The following ZNF385D variants were observed in gnomAD, a reference collection of about 807,000 sequenced individuals.
ZNF385D encodes zinc finger protein 385D, also known as zinc finger protein 659.
Under a neutral mutation model 35.8 loss-of-function variants are expected in ZNF385D, and 15 were observed. The observed-to-expected ratio is 0.42, with a 90% CI of 0.28 to 0.64. ZNF385D has a LOEUF of 0.64. Among genes scored for constraint, ZNF385D ranks in the 30% least tolerant of loss-of-function variants. The pLI, the probability that ZNF385D is intolerant of heterozygous loss-of-function variation, is 0.23. For missense variants in ZNF385D, 474 were observed against 494.6 expected (o/e 0.96, Z 0.39); for synonymous variants, 212 against 186.8 (o/e 1.13, Z -1.10).
intron 2 of ZNF385D, among the ~76,000 whole-genome samples, chr3:21,616,944 T>C (rs1260451894): frequency 6.6e-6 from 1 of 152,210 alleles, no homozygotes; most frequent in East Asian, 1.9e-4. Context: ...TCCTTTTCCC[T>C]GATTATTTTT....
At position 22,265,839 on chromosome 3, in the gene ZNF385D, G is replaced by A. The variant is rs182656221; in HGVS notation, c.107-96804C>T. Among the ~76,000 whole-genome samples the A allele has an allele frequency of 2.9e-3, 436 of 151,982 alleles. 11 individuals are homozygous for A. The highest frequency in any genetic ancestry group is 7.8e-4 in the East Asian group (4 of 5,132). ...GCCTGGTGTGGTAGGTACCATTTTT[G>A]CACGTGGGAAAATAAGGTCACATAG... On this transcript the variant is annotated intron_variant, in intron 2 of 5. Coordinates refer to the ZNF385D transcript ENST00000494108.
At chr3:21,817,765 G>C (rs1290252024) in intron 3 of ZNF385D, among the ~76,000 whole-genome samples, 1 of 152,200 alleles carries the variant, frequency 6.6e-6, no homozygotes, top group African/African-American at 2.4e-5. Context: ...AGGCAGTGTG[G>C]TGATTCCTCT....
intron 3 of ZNF385D, among the ~76,000 whole-genome samples, chr3:21,841,010 C>T (rs1317134251): frequency 2.0e-5 from 3 of 151,978 alleles, no homozygotes; most frequent in Non-Finnish European, 2.9e-5. Context: ...AACTGAGGCT[C>T]CTGGTGAATA....
intron 2 of ZNF385D, among the ~76,000 whole-genome samples, chr3:22,352,472 A>T (rs1482895267): frequency 6.6e-6 from 1 of 152,222 alleles, no homozygotes. Context: ...AATGTGATTC[A>T]CAGCCCAGAT....
chr3:22,074,738 C>T (rs939645034), intron 3 of ZNF385D, among the ~76,000 whole-genome samples: 1 of 151,896 alleles, frequency 6.6e-6, no homozygotes, highest in African/African-American at 2.4e-5. Flanking sequence ...CCCTGGTCTT[C>T]CCGACACTGT....
chr3:22,211,921 C>A (rs1312219140), intron 2 of ZNF385D, among the ~76,000 whole-genome samples: 6 of 151,966 alleles, frequency 3.9e-5, no homozygotes, highest in Admixed American at 3.9e-4. Context: ...CTGGCTTTGA[C>A]AGAAGATGCC....
At chr3:21,653,131 A>G (rs778364793) in intron 2 of ZNF385D, among the ~76,000 whole-genome samples, 1 of 152,140 alleles carries the variant, frequency 6.6e-6, no homozygotes, top group Non-Finnish European at 1.5e-5. Context: ...ATACACACAC[A>G]TACACATATA....
At chr3:21,816,749 G>T (rs2073164908) in intron 3 of ZNF385D, among the ~76,000 whole-genome samples, 1 of 152,124 alleles carries the variant, frequency 6.6e-6, no homozygotes, top group Non-Finnish European at 1.5e-5. Context: ...CATGAAAATG[G>T]CCATACTGCC....
rs534758946 is a variant in ZNF385D at position 22,185,104 on chromosome 3, C to A, written c.107-16069G>T. 5.3e-5 allele frequency among the ~76,000 whole-genome samples: 8 copies of A among 152,246 alleles called. No homozygotes were observed. The South Asian group carries it at 1.7e-3, about 32-fold the overall frequency. ...AACTTCAGTTCACTGTATCTATAAT[C>A]TACCAATGAGAGAGCAATCTACTTT... On this transcript the variant is annotated intron_variant, in intron 2 of 5. Transcript: ENST00000494108.
rs114214768 is a variant in ZNF385D at position 21,706,918 on chromosome 3, T to C, written c.23-41890A>G. On this transcript the variant is annotated intron_variant, in intron 1 of 7. Transcript: ENST00000281523. The stretch of plus-strand genomic sequence containing the variant: ...TCAGGTTTAGGAAAAGGACAGATTA[T>C]TTTCTTCCTCCTTCTTCAAGTAGCT... Among the ~76,000 whole-genome samples the C allele has an allele frequency of 3.4e-3, 522 of 152,284 alleles. 4 individuals are homozygous for C. Among genetic ancestry groups the C allele is most frequent in the African/African-American group, 0.012 (490 of 41,560 alleles).
At chr3:22,342,820 G>T (rs762307527) in intron 2 of ZNF385D, among the ~76,000 whole-genome samples, 8 of 152,160 alleles carry the variant, frequency 5.3e-5, no homozygotes, top group Non-Finnish European at 8.8e-5. Flanking sequence ...AGTCGTTTTG[G>T]AAAGAACTTC....
At chr3:22,234,890 G>A (rs1209562423) in intron 2 of ZNF385D, among the ~76,000 whole-genome samples, 1 of 152,052 alleles carries the variant, frequency 6.6e-6, no homozygotes, top group South Asian at 2.1e-4. Context: ...AATTCTATAA[G>A]TTCTTAAATA....
chr3:21,806,219 T>C (rs530097839), intron 3 of ZNF385D, among the ~76,000 whole-genome samples: 32 of 151,978 alleles, frequency 2.1e-4, no homozygotes, highest in Non-Finnish European at 4.6e-4. Flanking sequence ...ATTTTTTTTT[T>C]TTGTGAGGGG....
In ZNF385D at chr3:21,610,198, A is replaced by G. The variant is rs79177882; in HGVS notation, c.166-45514T>C. 3.4e-4 allele frequency among the ~76,000 whole-genome samples: 52 copies of G among 152,064 alleles called. No individual in the cohort carries two copies. In the East Asian group the frequency reaches 8.7e-3, roughly 26 times the overall value. On this transcript the variant is annotated intron_variant, in intron 2 of 7. Coordinates refer to ENST00000281523, the MANE Select transcript of ZNF385D (RefSeq NM_024697.3). ...TGCATAAACATAGAAATATATTTTT[A>G]TAAAGGCCTCATAATGAGCTTCTAT... is the stretch of plus-strand genomic sequence containing the variant.
chr3:21,528,660 A>G (rs906284433), intron 3 of ZNF385D, among the ~76,000 whole-genome samples: 8 of 152,232 alleles, frequency 5.3e-5, no homozygotes, highest in African/African-American at 1.9e-4. Flanking sequence ...TATTTTGGAT[A>G]TTACATGAGC....
intron 3 of ZNF385D, among the ~76,000 whole-genome samples, chr3:22,095,807 C>T (rs961539377): frequency 6.8e-6 from 1 of 147,514 alleles, no homozygotes; most frequent in African/African-American, 2.5e-5. Flanking sequence ...CACTATAAAT[C>T]AATTTTTTAA....
chr3:22,059,405 T>C (rs889899352), intron 3 of ZNF385D, among the ~76,000 whole-genome samples: 7 of 152,142 alleles, frequency 4.6e-5, no homozygotes, highest in Admixed American at 2.0e-4. Context: ...TTGGGGTCAT[T>C]CACTTTCTTA....
At chr3:21,914,716 A>C (rs1189913320) in intron 3 of ZNF385D, among the ~76,000 whole-genome samples, 1 of 152,114 alleles carries the variant, frequency 6.6e-6, no homozygotes, top group Non-Finnish European at 1.5e-5. Flanking sequence ...ATATAAAATT[A>C]TGAATGTGCA....
At chr3:21,911,698 A>C (rs1328790487) in intron 3 of ZNF385D, among the ~76,000 whole-genome samples, 4 of 151,956 alleles carry the variant, frequency 2.6e-5, no homozygotes, top group African/African-American at 9.7e-5. Context: ...CCATTAAATA[A>C]TTTCCTCATT....
Sources: allele counts gnomAD v4.1 joint callset (sites outside exome capture counted in the v4.1 genomes callset), GRCh38; gene constraint gnomAD v4.1.1; transcripts MANE v1.5; gene names NCBI Gene and HGNC (gene_info 2026-07-23, HGNC 2026-07-21).